XPOT: variants seen among roughly 807,000 people sequenced by gnomAD.
XPOT encodes exportin-T.
Under a neutral mutation model 128.2 loss-of-function variants are expected in XPOT, and 34 were observed. That is an observed-to-expected ratio of 0.27 (90% CI 0.20 to 0.35). The LOEUF (loss-of-function observed/expected upper bound fraction) is 0.35, where lower values mean the gene tolerates loss of function less well. Ranked by LOEUF, XPOT falls within the 10% of genes least tolerant of loss-of-function variation. The probability of loss-of-function intolerance (pLI) is 1.00; values close to 1 mark genes in which losing one functional copy is unlikely to be tolerated. For synonymous variants in XPOT, 348 were observed against 394.3 expected (o/e 0.88, Z 1.39); for missense variants, 838 against 1,125.3 (o/e 0.74, Z 3.65).
chr12:64,444,984 A>ATT, intron 23 of XPOT, 91 bp from the exon 24 acceptor site: 3 of 1,114,560 alleles, frequency 2.7e-6, no homozygotes, highest in Non-Finnish European at 3.8e-6. Flanking sequence ...AAAAAAAAAA[A>ATT]AAAATTAAAA....
chr12:64,414,700 C>T (rs1024404445), intron 2 of XPOT, among the ~76,000 whole-genome samples: 1 of 152,190 alleles, frequency 6.6e-6, no homozygotes, highest in Non-Finnish European at 1.5e-5. Context: ...GATTATCTAA[C>T]TGATGGAATT....
chr12:64,437,725 AAGTC>A (rs1244924542), intron 22 of XPOT, among the ~76,000 whole-genome samples: 1 of 152,212 alleles, frequency 6.6e-6, no homozygotes, highest in Non-Finnish European at 1.5e-5. Flanking sequence ...TCCTCAGTGT[AAGTC>A]AGTCAAAGTA....
At chr12:64,413,629 A>G (rs921590473) in intron 2 of XPOT, among the ~76,000 whole-genome samples, 3 of 152,216 alleles carry the variant, frequency 2.0e-5, no homozygotes, top group Non-Finnish European at 4.4e-5. Flanking sequence ...GAGACCATGT[A>G]TGAAAACCCA....
In XPOT at chr12:64,450,104, G is replaced by A. The variant is rs2040397885; in HGVS notation, c.*1973G>A. 6.6e-6 allele frequency: 1 copy of A among 152,016 alleles called. No individual in the cohort carries two copies. The highest frequency in any genetic ancestry group is 1.5e-5 in the Non-Finnish European group (1 of 68,010). 9.4% of individuals were successfully genotyped at this position (152,016 alleles called of 1,614,324 possible). A position where few individuals can be genotyped will look rare whatever the true frequency, so the allele number is the denominator to read the frequency against. The stretch of plus-strand genomic sequence containing the variant: ...ATAAAGACTTGATAGTAGTTTATAT[G>A]GATGCTATCTCATATTAGCATATAT... On this transcript the variant is annotated 3_prime_UTR_variant, in exon 25 of 25. Transcript: ENST00000332707.
chr12:64,411,978 A>G (rs557325891), intron 2 of XPOT, among the ~76,000 whole-genome samples: 14 of 151,372 alleles, frequency 9.2e-5, no homozygotes, highest in Non-Finnish European at 1.9e-4. Flanking sequence ...AAAACTAAAA[A>G]CTTCCACGTT....
intron 2 of XPOT, among the ~76,000 whole-genome samples, chr12:64,414,426 G>A (rs1158444453): frequency 1.3e-5 from 2 of 152,282 alleles, no homozygotes; most frequent in South Asian, 2.1e-4. Flanking sequence ...ACTCTCCTGT[G>A]TAACAGTAGA....
At chr12:64,409,286 G>A (rs1315969752) in intron 1 of XPOT, among the ~76,000 whole-genome samples, 1 of 152,134 alleles carries the variant, frequency 6.6e-6, no homozygotes, top group East Asian at 1.9e-4. Flanking sequence ...ATACTTAACT[G>A]CAGTTGCACA....
chr12:64,424,934 C>T lies in XPOT; in HGVS notation c.1308-104C>T, dbSNP rs893887476. On this transcript the variant is annotated intron_variant, in intron 12 of 24. Transcript: ENST00000332707. ...CTGGGAAAGTTAACAGTTGCTATGA[C>T]TTTTTAATAATTAAAAAGGCTTTTG... 3 of 1,451,156 alleles carry T rather than the reference C, an allele frequency of 2.1e-6. No individual in the cohort carries two copies. In the African/African-American group the frequency reaches 4.3e-5, roughly 21 times the overall value. The allele number at this position is 1,451,156 out of a possible 1,614,324, so 89.9% of individuals were successfully genotyped here.
rs201539403 is a variant in XPOT, at chr12:64,424,770, T to C, written c.1307+47T>C. The C allele has an allele frequency of 1.1e-5, 18 of 1,603,430 alleles. No homozygotes were observed. In the East Asian group the frequency reaches 3.8e-4, roughly 34 times the overall value. On this transcript the variant is annotated intron_variant, in intron 12 of 24. Coordinates refer to ENST00000332707, the MANE Select transcript of XPOT (RefSeq NM_007235.6). ...TAACAAGCCTACTTCTTTCTTTTGC[T>C]CTTTGATATGGGTCAAAATAAATGA...
chr12:64,431,355 T>C (rs999823253), intron 17 of XPOT, among the ~76,000 whole-genome samples, 183 bp from the exon 18 acceptor site: 4 of 152,226 alleles, frequency 2.6e-5, no homozygotes, highest in Non-Finnish European at 5.9e-5. Context: ...GGAAAGATCA[T>C]TGGAAGCAGT....
At position 64,425,874 on chromosome 12, in the gene XPOT, G is replaced by A. The variant is rs770769190; in HGVS notation, c.1632G>A (p.Thr544=). The A allele has an allele frequency of 1.8e-5, 29 of 1,613,962 alleles. No homozygotes were observed. The highest frequency in any genetic ancestry group is 1.3e-4 in the Admixed American group (8 of 59,998). The change falls in exon 15 of 25, where the codon ACG becomes ACA. Residue 544 remains threonine (T), a synonymous_variant. Transcript: ENST00000332707. Reference sequence around the variant, plus strand: ...CCAGTGCAAAAGTTCGGAGCAGGACGGCTTACCTGTTTTCTAGATTTGTCA... The same window carrying A: ...CCAGTGCAAAAGTTCGGAGCAGGACAGCTTACCTGTTTTCTAGATTTGTCA... The part of the protein sequence containing the change: ...RHSSAKVRSR[T]AYLFSRFVKS...
intron 1 of XPOT, among the ~76,000 whole-genome samples, chr12:64,406,533 T>C (rs2039984837): frequency 6.6e-6 from 1 of 151,838 alleles, no homozygotes; most frequent in South Asian, 2.1e-4. Context: ...CACACCCGGC[T>C]AATTTTTGTA....
Position 64,433,441 on chromosome 12 carries a change from A to G in XPOT, c.2290A>G (p.Met764Val). The stretch of plus-strand genomic sequence containing the variant: ...ACAGGTATCCCCGTTTTTACAACAG[A>G]TGTTCATGCCCCTGCTTCATGCAAT... ...KIQVSPFLQQ[M>V]FMPLLHAIFE... The change falls in exon 19 of 25, where the codon ATG becomes GTG. Residue 764 changes from methionine (M) to valine (V), a missense_variant. Physicochemically the swap from Met to Val is conservative, Grantham distance 21 (BLOSUM62 1). This residue lies in a region of XPOT where 761 missense variants were observed against 988.3 expected (regional missense o/e 0.77). Transcript: ENST00000332707. 3 of 1,571,668 alleles carry G rather than the reference A, an allele frequency of 1.9e-6. No individual in the cohort carries two copies. The highest frequency in any genetic ancestry group is 3.5e-4 in the Middle Eastern group (2 of 5,702).
In XPOT at chr12:64,419,320, A is replaced by AT. The variant is rs1296154579; in HGVS notation, c.489+233dup. 3.3e-5 allele frequency among the ~76,000 whole-genome samples: 5 copies of AT among 151,660 alleles called. No homozygotes were observed. The South Asian group carries it at 6.2e-4, about 19-fold the overall frequency. On this transcript the variant is annotated intron_variant, in intron 6 of 24. Transcript: ENST00000332707. ...ATTAAAGTATTACATTACATTTTTT[A>AT]TTTTTTTACTTTTTTGAGACGGAGT... is the stretch of plus-strand genomic sequence containing the variant.
At chr12:64,407,098 T>C (rs576945292) in intron 1 of XPOT, among the ~76,000 whole-genome samples, 2 of 152,260 alleles carry the variant, frequency 1.3e-5, no homozygotes, top group South Asian at 2.1e-4. Context: ...AATGACAAGA[T>C]GGGGATACAA....
At chr12:64,436,695 T>C (rs2040284949) in intron 22 of XPOT, among the ~76,000 whole-genome samples, 1 of 151,104 alleles carries the variant, frequency 6.6e-6, no homozygotes, top group South Asian at 2.1e-4. Context: ...CTCTTCCCAC[T>C]TCAGCCTCCT....
chr12:64,445,620 A>T (rs934820323), intron 24 of XPOT, among the ~76,000 whole-genome samples: 3 of 152,124 alleles, frequency 2.0e-5, no homozygotes, highest in African/African-American at 7.2e-5. Context: ...ATTCATAGTT[A>T]TAATTGAGTT....
At chr12:64,443,793 T>G (rs1054471229) in intron 23 of XPOT, among the ~76,000 whole-genome samples, 3 of 152,188 alleles carry the variant, frequency 2.0e-5, no homozygotes, top group Admixed American at 1.3e-4. Context: ...ATGCTGTTTT[T>G]TTCAAAAATA....
At chr12:64,439,509 C>A (rs960253253) in intron 23 of XPOT, among the ~76,000 whole-genome samples, 194 bp downstream of exon 23, 1 of 152,104 alleles carries the variant, frequency 6.6e-6, no homozygotes, top group Non-Finnish European at 1.5e-5. Flanking sequence ...ACCTTGTTAC[C>A]CAACAAGTTA....
Sources: allele counts gnomAD v4.1 joint callset (sites outside exome capture counted in the v4.1 genomes callset), GRCh38; gene constraint gnomAD v4.1.1; regional missense constraint gnomAD v4.1.1; transcripts MANE v1.5; gene names NCBI Gene and HGNC (gene_info 2026-07-23, HGNC 2026-07-21).